The following TBATA variants were observed in gnomAD, a reference collection of about 807,000 sequenced individuals.
TBATA encodes the protein protein TBATA.
Under a neutral mutation model 38.7 loss-of-function variants are expected in TBATA, and 47 were observed. That is an observed-to-expected ratio of 1.21 (90% confidence interval 0.96 to 1.55). The LOEUF (loss-of-function observed/expected upper bound fraction) is 1.55, where lower values mean the gene tolerates loss of function less well. TBATA is among the 40% of genes most tolerant of loss of function. The pLI, the probability that TBATA is intolerant of heterozygous loss-of-function variation, is 0.00. For missense variants in TBATA, 436 were observed against 435.6 expected, an observed-to-expected ratio of 1.00 and a Z score of -0.01; for synonymous variants, 183 against 170.5, an observed-to-expected ratio of 1.07 and a Z score of -0.57.
chr10:70,776,942 G>A lies in TBATA; in HGVS notation c.693+211C>T, dbSNP rs79182493. 6.2e-4 allele frequency among the ~76,000 whole-genome samples: 95 copies of A among 152,254 alleles called. No individual in the cohort carries two copies. In the East Asian group the frequency reaches 0.018, roughly 28 times the overall value. On this transcript the variant is annotated intron_variant, in intron 7 of 10. Coordinates refer to ENST00000456372, the MANE Select transcript of TBATA (RefSeq NM_001318241.2). ...TTCATGCTTCCAGTGGAGAGATCAC[G>A]GAACTAGGGCCCAGGGAGGGGAAAG...
chr10:70,778,501 A>C, intron 6 of TBATA, 56 bp downstream of exon 6: 1 of 1,538,656 alleles, frequency 6.5e-7, no homozygotes, highest in African/African-American at 1.4e-5. Flanking sequence ...ATCTCCTTAC[A>C]CAGGGAAGGA....
chr10:70,776,725 G>T (rs1238779534), intron 7 of TBATA, among the ~76,000 whole-genome samples: 2 of 152,188 alleles, frequency 1.3e-5, no homozygotes, highest in Non-Finnish European at 2.9e-5. Context: ...CATGGAGGAG[G>T]TGGGCTCTGG....
chr10:70,773,826 C>T (rs1342271434), intron 9 of TBATA, among the ~76,000 whole-genome samples: 1 of 152,250 alleles, frequency 6.6e-6, no homozygotes, highest in Non-Finnish European at 1.5e-5. Context: ...ATTAATCTTT[C>T]TCTTCCAGCC....
intron 5 of TBATA, chr10:70,778,899 T>C (rs1197762547): frequency 3.6e-6 from 2 of 554,958 alleles, no homozygotes; most frequent in Non-Finnish European, 6.5e-6. Context: ...GCCTGTGGCA[T>C]TTCTAGGGGA....
intron 3 of TBATA, chr10:70,782,590 C>T: frequency 1.0e-6 from 1 of 985,464 alleles, no homozygotes; most frequent in Non-Finnish European, 1.2e-6. Context: ...ATGGGGGTCC[C>T]TCCTAGGAGA....
intron 6 of TBATA, 175 bp downstream of exon 6, chr10:70,778,382 G>C: frequency 1.4e-6 from 1 of 701,526 alleles, no homozygotes; most frequent in Non-Finnish European, 2.5e-6. Flanking sequence ...CCCCTGCTTG[G>C]ATTTCTCCAC....
At chr10:70,777,562 G>T (rs1843586394) in intron 6 of TBATA, among the ~76,000 whole-genome samples, 1 of 152,032 alleles carries the variant, frequency 6.6e-6, no homozygotes, top group South Asian at 2.1e-4. Flanking sequence ...CCTCTCTCTG[G>T]CAGCTGGCCC....
At chr10:70,780,564 A>G (rs1255557990) in intron 4 of TBATA, among the ~76,000 whole-genome samples, 1 of 151,412 alleles carries the variant, frequency 6.6e-6, no homozygotes, top group Non-Finnish European at 1.5e-5. Flanking sequence ...CCACCACTTG[A>G]AACACCCCCT....
At chr10:70,779,869 A>T (rs1471628229) in intron 4 of TBATA, 127 bp from the exon 5 acceptor site, 1 of 1,012,204 alleles carries the variant, frequency 9.9e-7, no homozygotes, top group Non-Finnish European at 1.4e-6. Context: ...CAGCTGATAG[A>T]TTATCAGAGC....
intron 8 of TBATA, among the ~76,000 whole-genome samples, chr10:70,774,558 C>A (rs1843144040): frequency 6.6e-6 from 1 of 152,158 alleles, no homozygotes; most frequent in African/African-American, 2.4e-5. Context: ...CCCTGTCCTG[C>A]CACATGAGGA....
chr10:70,773,430 T>C (rs1287633853), intron 9 of TBATA, among the ~76,000 whole-genome samples: 1 of 150,528 alleles, frequency 6.6e-6, no homozygotes, highest in African/African-American at 2.5e-5. Context: ...TCCCAAACTC[T>C]GTTGGAAACA....
At chr10:70,777,995 G>A (rs1843647770) in intron 6 of TBATA, 10 of 322,828 alleles carry the variant, frequency 3.1e-5, no homozygotes, top group Middle Eastern at 4.0e-4. Flanking sequence ...CCAAGACAAG[G>A]GGCAGGACCA....
chr10:70,781,860 C>T lies in TBATA; in HGVS notation c.218G>A (p.Ser73Asn). 2 of 1,614,160 alleles carry T rather than the reference C, an allele frequency of 1.2e-6. No individual in the cohort carries two copies. Among genetic ancestry groups the T allele is most frequent in the Non-Finnish European group, 1.7e-6 (2 of 1,179,976 alleles). Residue 73 changes from serine to asparagine, a missense_variant, in exon 4 of 11, where the codon AGT becomes AAT. Ser to Asn is a conservative substitution (Grantham distance 46). Transcript: ENST00000456372. ...GTGCCGGGAGAAGAAGGAGTGGTGACTGAGGCGTCCAAAGCAGTAGGTGCC... is the reference window on the plus strand; with the variant it reads ...GTGCCGGGAGAAGAAGGAGTGGTGATTGAGGCGTCCAAAGCAGTAGGTGCC... ...TPGTYCFGRL[S>N]HHSFFSRHHP...
chr10:70,773,469 C>CG (rs1564574236), intron 9 of TBATA, among the ~76,000 whole-genome samples: 1 of 151,618 alleles, frequency 6.6e-6, no homozygotes, highest in African/African-American at 2.4e-5. Context: ...ATACAGGCCC[C>CG]CCCGGCTTCA....
In TBATA at chr10:70,782,029, C is replaced by T. The variant is rs374658812; in HGVS notation, c.49G>A (p.Ala17Thr). The T allele has an allele frequency of 3.0e-5, 48 of 1,614,182 alleles. 1 individual carries two copies. In the South Asian group the frequency reaches 5.2e-4, roughly 17 times the overall value. The change falls in exon 4 of 11, where the codon GCT (alanine) becomes ACT (threonine). Residue 17 changes from alanine to threonine, a missense_variant. By Grantham distance (58) the Ala-to-Thr change is moderately conservative. Coordinates refer to ENST00000456372, the MANE Select transcript of TBATA (RefSeq NM_001318241.2). ...GACTTCTTCTCCAGTTTCAGCTCAG[C>T]CTTTGGACTGAAGGAGGGGGTTTCA... Reference protein sequence around the residue: ...LADYPLMSPKAELKLEKKSGR... With the variant: ...LADYPLMSPKTELKLEKKSGR...
intron 6 of TBATA, among the ~76,000 whole-genome samples, chr10:70,778,021 A>G (rs1245426769): frequency 1.3e-5 from 2 of 152,224 alleles, no homozygotes; most frequent in African/African-American, 4.8e-5. Flanking sequence ...TCCTAAGAGC[A>G]ATTCCAGTCA....
Position 70,775,192 on chromosome 10 carries a change from T to C in TBATA, c.772A>G (p.Lys258Glu), listed in dbSNP as rs1382283486. Residue 258 changes from lysine (K) to glutamate (E), a missense_variant, in exon 8 of 11, where the codon AAG becomes GAG. Coordinates refer to ENST00000456372, the MANE Select transcript of TBATA (RefSeq NM_001318241.2). ...IQFWLLYAPP[K>E]EKDLALGLLQ... The stretch of plus-strand genomic sequence containing the variant: ...TGCTGCGGGGCTGTGTCCTCACCCT[T>C]GGGCGGAGCGTAGAGCAGCCAGAAC... 24 of 1,613,806 alleles carry C rather than the reference T, an allele frequency of 1.5e-5. No homozygotes were observed. The highest frequency in any genetic ancestry group is 2.0e-5 in the Non-Finnish European group (24 of 1,179,730).
intron 5 of TBATA, 149 bp downstream of exon 5, chr10:70,779,444 A>G: frequency 1.1e-6 from 1 of 944,870 alleles, no homozygotes; most frequent in Non-Finnish European, 1.5e-6. Context: ...AGGCTGTCCA[A>G]GGAAATGGGA....
At chr10:70,779,782 G>A (rs775578400) in intron 4 of TBATA, 40 bp from the exon 5 acceptor site, 1 of 1,506,674 alleles carries the variant, frequency 6.6e-7, no homozygotes, top group Non-Finnish European at 8.8e-7. Flanking sequence ...AGGCTTAGGT[G>A]GACCTTAAGA....
Sources: allele counts gnomAD v4.1 joint callset (sites outside exome capture counted in the v4.1 genomes callset), GRCh38; gene constraint gnomAD v4.1.1; transcripts MANE v1.5; gene names NCBI Gene and HGNC (gene_info 2026-07-23, HGNC 2026-07-21).